The following FIP1L1 variants were observed in gnomAD, a reference collection of about 807,000 sequenced individuals.
The protein encoded by FIP1L1 is pre-mRNA 3'-end-processing factor FIP1.
Under a neutral mutation model 84.6 loss-of-function variants are expected in FIP1L1, and 21 were observed. The observed-to-expected ratio is 0.25, with a 90% CI of 0.18 to 0.36. The LOEUF (loss-of-function observed/expected upper bound fraction) is 0.36. Ranked by LOEUF, FIP1L1 falls within the 10% of genes least tolerant of loss-of-function variation. FIP1L1 has a pLI of 1.00. For synonymous variants in FIP1L1, 263 were observed against 242.3 expected, an observed-to-expected ratio of 1.09 and a Z score of -0.80; for missense variants, 526 against 751.1, an observed-to-expected ratio of 0.70 and a Z score of 3.50.
chr4:53,440,906 C>T (rs1290791167), intron 13 of FIP1L1: 7 of 257,222 alleles, frequency 2.7e-5, no homozygotes, highest in East Asian at 9.6e-5. Context: ...AATGTCTTTA[C>T]AGACCAATGA....
intron 11 of FIP1L1, among the ~76,000 whole-genome samples, chr4:53,420,301 A>G (rs1421846663): frequency 1.3e-5 from 2 of 149,818 alleles, no homozygotes; most frequent in Non-Finnish European, 3.0e-5. Context: ...GCGTGGTAGC[A>G]TGCGTCCGTA....
chr4:53,438,151 T>C (rs1770305673), intron 13 of FIP1L1, among the ~76,000 whole-genome samples: 1 of 152,120 alleles, frequency 6.6e-6, no homozygotes, highest in Non-Finnish European at 1.5e-5. Flanking sequence ...TCCAGGAAAA[T>C]CAACATTTTT....
At chr4:53,442,872 G>C (rs1213842809) in intron 14 of FIP1L1, among the ~76,000 whole-genome samples, 165 bp downstream of exon 14, 2 of 151,960 alleles carry the variant, frequency 1.3e-5, no homozygotes, top group African/African-American at 4.8e-5. Flanking sequence ...TGTTGGACCT[G>C]TAGCCCGATA....
chr4:53,444,910 G>A (rs1773544581), intron 15 of FIP1L1, among the ~76,000 whole-genome samples: 1 of 152,134 alleles, frequency 6.6e-6, no homozygotes, highest in South Asian at 2.1e-4. Flanking sequence ...TGTATAGAGT[G>A]CTTGCCCTCA....
At position 53,399,935 on chromosome 4, in the gene FIP1L1, C is replaced by A. The variant is rs1216197778; in HGVS notation, c.815+96C>A. On this transcript the variant is annotated intron_variant, in intron 10 of 17. Transcript: ENST00000337488. ...AGTATAAAAGCTCTGAATGTTTTAC[C>A]AAAAAACTGGAACATTTTACTTTGG... 2.0e-5 allele frequency: 16 copies of A among 790,310 alleles called. No homozygotes were observed. The Admixed American group carries it at 3.1e-4, about 15-fold the overall frequency. 49.0% of individuals were successfully genotyped at this position (790,310 alleles called of 1,614,324 possible).
chr4:53,435,828 TGTGTGTGCG>T (rs1768910001), intron 13 of FIP1L1, among the ~76,000 whole-genome samples: 1 of 14,386 alleles, frequency 7.0e-5, no homozygotes, highest in Non-Finnish European at 1.7e-4. Context: ...ATGATACACG[TGTGTGTGCG>T]TATGTTTTTG....
At chr4:53,434,647 T>G (rs1032470429) in intron 13 of FIP1L1, among the ~76,000 whole-genome samples, 3 of 152,124 alleles carry the variant, frequency 2.0e-5, no homozygotes, top group Non-Finnish European at 4.4e-5. Context: ...AATTTTGTAA[T>G]TTTAGAGATG....
Position 53,460,063 on chromosome 4 carries a change from TA to T in FIP1L1, c.*616del, listed in dbSNP as rs1553927486. 5.0e-6 allele frequency: 1 copy of T among 201,050 alleles called. No individual in the cohort carries two copies. The highest frequency in any genetic ancestry group is 1.0e-5 in the Non-Finnish European group (1 of 97,622). The allele number at this position is 201,050 out of a possible 1,614,324, so 12.5% of individuals were successfully genotyped here. On this transcript the variant is annotated 3_prime_UTR_variant, in exon 18 of 18. Transcript: ENST00000337488. ...GGTGGCCTCTATGAAATAAATTAAT[TA>T]ATTACCCATAGTGTAGTTTCTAGGA...
In FIP1L1 at chr4:53,459,297, T is replaced by TTTG; in HGVS notation, c.1638-5_1638-4insTTG. On this transcript the variant is annotated splice_region_variant and splice_polypyrimidine_tract_variant and intron_variant, in intron 17 of 17. Transcript: ENST00000337488. ...CACACCTTTTTTTTTTTTTTTTTTTTCCAGTAATAGTAGACGTCGCCATGA... is the reference window on the plus strand; with the variant it reads ...CACACCTTTTTTTTTTTTTTTTTTTTTTGCCAGTAATAGTAGACGTCGCCATGA... 1 of 1,479,526 alleles carries TTTG rather than the reference T, an allele frequency of 6.8e-7. No homozygotes were observed. Among genetic ancestry groups the TTTG allele is most frequent in the Non-Finnish European group, 9.1e-7 (1 of 1,102,576 alleles). 91.6% of individuals were successfully genotyped at this position (1,479,526 alleles called of 1,614,324 possible). A position where few individuals can be genotyped will look rare whatever the true frequency, so the allele number is the denominator to read the frequency against.
At chr4:53,394,079 G>A (rs540812757) in intron 9 of FIP1L1, among the ~76,000 whole-genome samples, 1 of 151,624 alleles carries the variant, frequency 6.6e-6, no homozygotes, top group South Asian at 2.1e-4. Context: ...TTTCATTTCT[G>A]TTGTTAATTT....
chr4:53,455,038 C>CT (rs776152935), intron 16 of FIP1L1, among the ~76,000 whole-genome samples: 4 of 152,212 alleles, frequency 2.6e-5, no homozygotes, highest in Non-Finnish European at 5.9e-5. Context: ...TACAAACCAA[C>CT]TAACCTCTGC....
intron 10 of FIP1L1, among the ~76,000 whole-genome samples, chr4:53,403,192 C>T (rs1380530572): frequency 1.3e-5 from 2 of 151,826 alleles, no homozygotes; most frequent in Admixed American, 1.3e-4. Flanking sequence ...AGAGGAATTA[C>T]AGTATTTTTA....
intron 16 of FIP1L1, among the ~76,000 whole-genome samples, chr4:53,456,280 C>G (rs73250966): frequency 0.015 from 2,334 of 152,212 alleles, 34 homozygotes; most frequent in Non-Finnish European, 0.024. Context: ...GCTAAATCCT[C>G]TAATTCTTCT....
At chr4:53,408,752 G>A (rs1347468014) in intron 10 of FIP1L1, among the ~76,000 whole-genome samples, 5 of 151,926 alleles carry the variant, frequency 3.3e-5, no homozygotes, top group South Asian at 4.2e-4. Context: ...ATTTGATCTT[G>A]CATCACTGAT....
intron 15 of FIP1L1, among the ~76,000 whole-genome samples, chr4:53,451,194 C>T (rs1209511612): frequency 6.6e-6 from 1 of 151,832 alleles, no homozygotes; most frequent in East Asian, 1.9e-4. Flanking sequence ...TGTTCTCGAA[C>T]TCCTGACCTC....
chr4:53,452,928 C>T lies in FIP1L1; in HGVS notation c.1294C>T (p.Pro432Ser). The change falls in exon 16 of 18, where the codon CCC becomes TCC. Residue 432 changes from proline (P) to serine (S), a missense_variant. Pro to Ser is a moderately conservative substitution (Grantham distance 74, BLOSUM62 -1). Around this residue, in one of 6 missense-constraint regions of FIP1L1, gnomAD observed 83 missense variants for 93.8 expected, o/e 0.88. Transcript: ENST00000337488. ...RAFPYGNVAF[P>S]HLPGSAPSWP... ...TCGTGTTTTTTCTTTAGTTGCCTTT[C>T]CCCATCTTCCTGGTTCTGCTCCTTC... 1.2e-6 allele frequency: 2 copies of T among 1,612,008 alleles called. No individual in the cohort carries two copies. The highest frequency in any genetic ancestry group is 1.7e-6 in the Non-Finnish European group (2 of 1,179,738).
chr4:53,401,120 T>C (rs1350633797), intron 10 of FIP1L1, among the ~76,000 whole-genome samples: 1 of 152,234 alleles, frequency 6.6e-6, no homozygotes, highest in Non-Finnish European at 1.5e-5. Flanking sequence ...ACAGTGTAGT[T>C]ATCTATATTC....
chr4:53,449,472 C>T (rs1775519805), intron 15 of FIP1L1, among the ~76,000 whole-genome samples: 1 of 152,002 alleles, frequency 6.6e-6, no homozygotes, highest in Non-Finnish European at 1.5e-5. Context: ...ACCTAACTTG[C>T]CCATGATTGA....
intron 10 of FIP1L1, among the ~76,000 whole-genome samples, chr4:53,412,483 T>C: frequency 6.6e-6 from 1 of 152,136 alleles, no homozygotes; most frequent in East Asian, 1.9e-4. Flanking sequence ...ATCAGCTTCT[T>C]AGCTTTTCTT....
Sources: gnomAD v4.1 joint callset for allele counts (sites outside exome capture counted in the v4.1 genomes callset) on GRCh38, gnomAD v4.1.1 for gene constraint, gnomAD v4.1.1 regional missense constraint, MANE v1.5 for transcripts, NCBI Gene and HGNC (gene_info 2026-07-23, HGNC 2026-07-21) for gene names.